The following UGT1A8 variants were observed in gnomAD, a reference collection of about 807,000 sequenced individuals.
UGT1A8 encodes the protein UDP glucuronosyltransferase family 1 member A8.
A neutral mutation model predicts 45.3 loss-of-function variants in UGT1A8; 39 were observed. The ratio of observed to expected loss-of-function variants is 0.86; its 90% CI spans 0.67 to 1.12. The LOEUF (loss-of-function observed/expected upper bound fraction) is 1.12, where lower values mean the gene tolerates loss of function less well. Ranked by LOEUF, UGT1A8 falls within the 50% of genes most tolerant of loss-of-function variation. UGT1A8 has a pLI of 0.00. For missense variants in UGT1A8, 719 were observed against 664.9 expected, an observed-to-expected ratio of 1.08 and a Z score of -0.90; for synonymous variants, 275 against 249.2, an observed-to-expected ratio of 1.10 and a Z score of -0.97.
intron 1 of UGT1A8, among the ~76,000 whole-genome samples, chr2:233,669,744 C>T (rs956411251): frequency 9.9e-5 from 15 of 152,072 alleles, no homozygotes; most frequent in Admixed American, 2.6e-4. Context: ...AGTATAATGG[C>T]GTGATCTCAG....
intron 1 of UGT1A8, among the ~76,000 whole-genome samples, chr2:233,620,860 G>T (rs943404392): frequency 1.3e-5 from 2 of 152,188 alleles, no homozygotes; most frequent in Non-Finnish European, 2.9e-5. Flanking sequence ...TCTGGGAAAA[G>T]CATGCAGTTG....
chr2:233,652,930 G>T (rs1030255409), intron 1 of UGT1A8, among the ~76,000 whole-genome samples: 1 of 152,188 alleles, frequency 6.6e-6, no homozygotes, highest in Non-Finnish European at 1.5e-5. Flanking sequence ...CACACACATT[G>T]TTGTGTATGA....
chr2:233,728,611 G>C (rs1206625269), intron 1 of UGT1A8, among the ~76,000 whole-genome samples: 1 of 152,228 alleles, frequency 6.6e-6, no homozygotes, highest in Non-Finnish European at 1.5e-5. Context: ...CCTCCACGCT[G>C]TTCAGAGAAA....
At chr2:233,681,170 G>A (rs2074512235) in intron 1 of UGT1A8, among the ~76,000 whole-genome samples, 2 of 151,798 alleles carry the variant, frequency 1.3e-5, no homozygotes, top group Non-Finnish European at 2.9e-5. Flanking sequence ...TCAACGCTAA[G>A]ACCCTTGCTC....
rs547408426 is a variant in UGT1A8, at chr2:233,647,882, G to A, written c.855+29320G>A. On this transcript the variant is annotated intron_variant, in intron 1 of 4. Transcript: ENST00000373450. ...TTGTTTTTCTATTTCCTATTTCATT[G>A]ATTTCTACACTGAAGTTAGCCTCCA... 2.6e-5 allele frequency: 39 copies of A among 1,476,208 alleles called. No homozygotes were observed. The African/African-American group carries it at 5.3e-4, about 20-fold the overall frequency. The allele number at this position is 1,476,208 out of a possible 1,614,324, so 91.4% of individuals were successfully genotyped here.
Position 233,682,723 on chromosome 2 carries a change from C to T in UGT1A8, c.855+64161C>T, listed in dbSNP as rs574635483. 2.7e-5 allele frequency: 44 copies of T among 1,613,866 alleles called. No homozygotes were observed. The South Asian group carries it at 4.3e-4, about 16-fold the overall frequency. On this transcript the variant is annotated intron_variant, in intron 1 of 4. Coordinates refer to ENST00000373450, the MANE Select transcript of UGT1A8 (RefSeq NM_019076.5). ...GAACTGACTTTGTTTTGGAGTATCC[C>T]AAACCCGTGATGCCCAATATGATCT...
chr2:233,743,440 G>C (rs192671736), intron 1 of UGT1A8: 1 of 1,361,822 alleles, frequency 7.3e-7, no homozygotes, highest in South Asian at 1.1e-5. Context: ...ACGAAATCCT[G>C]TATCAAAAGA....
At chr2:233,771,760 C>T (rs1700368197) in intron 4 of UGT1A8, 1 of 153,596 alleles carries the variant, frequency 6.5e-6, no homozygotes, top group Non-Finnish European at 1.4e-5. Context: ...CCCTTCCTTC[C>T]TCCGTCCCTC....
At position 233,618,633 on chromosome 2, in the gene UGT1A8, A is replaced by G. The variant is rs1029850801; in HGVS notation, c.855+71A>G. ...AAATTAAAAAAAGATTCCTTACTGA[A>G]TTGTGATTTGACATTTTCATTTGTT... On this transcript the variant is annotated intron_variant, in intron 1 of 4. Coordinates refer to ENST00000373450, the MANE Select transcript of UGT1A8 (RefSeq NM_019076.5). The G allele has an allele frequency of 3.9e-6, 6 of 1,529,070 alleles. No homozygotes were observed. The African/African-American group carries it at 5.6e-5, about 14-fold the overall frequency. The allele number at this position is 1,529,070 out of a possible 1,614,324, so 94.7% of individuals were successfully genotyped here.
chr2:233,747,429 A>G, intron 1 of UGT1A8: 8 of 1,608,684 alleles, frequency 5.0e-6, no homozygotes, highest in Non-Finnish European at 6.8e-6. Context: ...CAAACAAGAG[A>G]AATTTTTCAC....
intron 1 of UGT1A8, chr2:233,708,382 G>T (rs1471815158): frequency 6.6e-6 from 1 of 152,124 alleles, no homozygotes; most frequent in African/African-American, 2.4e-5. Flanking sequence ...CGTCTTTTGT[G>T]TGTGTGTGTT....
intron 1 of UGT1A8, among the ~76,000 whole-genome samples, chr2:233,751,432 G>T (rs1313513130): frequency 6.6e-6 from 1 of 152,164 alleles, no homozygotes; most frequent in Non-Finnish European, 1.5e-5. Flanking sequence ...GCTGAAATGA[G>T]TTAAGACTTT....
chr2:233,754,974 ACCTCGG>A (rs1369157258), intron 1 of UGT1A8: 6 of 1,299,856 alleles, frequency 4.6e-6, no homozygotes, highest in Non-Finnish European at 6.2e-6. Context: ...CTCCCTGAAG[ACCTCGG>A]CGGGGTCACG....
chr2:233,747,064 G>A (rs904041772), intron 1 of UGT1A8: 9 of 934,146 alleles, frequency 9.6e-6, no homozygotes, highest in African/African-American at 1.7e-5. Flanking sequence ...TTGGTTAATC[G>A]GTAATAATTA....
rs534272894 is a variant in UGT1A8, at chr2:233,668,452, C to T, written c.855+49890C>T. Among the ~76,000 whole-genome samples the T allele has an allele frequency of 1.2e-3, 179 of 152,288 alleles. 1 individual carries two copies. Among genetic ancestry groups the T allele is most frequent in the South Asian group, 6.8e-3 (33 of 4,822 alleles). ...TGCCACATTTTCTTAATCCAGTCTA[C>T]CACTGATGGACATTTGGGTTGCTTC... On this transcript the variant is annotated intron_variant, in intron 1 of 4. Coordinates refer to ENST00000373450, the MANE Select transcript of UGT1A8 (RefSeq NM_019076.5).
intron 1 of UGT1A8, among the ~76,000 whole-genome samples, chr2:233,642,651 C>G (rs2073480831): frequency 1.3e-5 from 2 of 152,164 alleles, no homozygotes; most frequent in African/African-American, 2.4e-5. Context: ...TTATTTGTAG[C>G]CGTCCTTCTT....
chr2:233,635,382 A>G (rs1258853238), intron 1 of UGT1A8, among the ~76,000 whole-genome samples: 1 of 150,762 alleles, frequency 6.6e-6, no homozygotes, highest in Non-Finnish European at 1.5e-5. Context: ...CCTGAATAAT[A>G]TCCTGAAGAG....
intron 1 of UGT1A8, chr2:233,743,554 A>G: frequency 7.3e-7 from 1 of 1,367,106 alleles, no homozygotes; most frequent in East Asian, 4.6e-5. Flanking sequence ...CCCCCAAAAT[A>G]TTCTCCAGCG....
intron 1 of UGT1A8, chr2:233,747,303 G>T (rs1693616830): frequency 2.5e-6 from 4 of 1,602,128 alleles, no homozygotes; most frequent in Non-Finnish European, 2.6e-6. Context: ...AGAGTGGGAA[G>T]GTGCTGGTGG....
Sources: gnomAD v4.1 joint callset for allele counts (sites outside exome capture counted in the v4.1 genomes callset) on GRCh38, gnomAD v4.1.1 for gene constraint, MANE v1.5 for transcripts, NCBI Gene and HGNC (gene_info 2026-07-23, HGNC 2026-07-21) for gene names.